Variants in GRK1 observed in about 807,000 individuals in gnomAD.
GRK1 encodes rhodopsin kinase GRK1.
Under a neutral mutation model 41.7 loss-of-function variants are expected in GRK1, and 28 were observed. The observed-to-expected ratio is 0.67, with a 90% CI of 0.50 to 0.92. GRK1 has a LOEUF of 0.92. Ranked by LOEUF, GRK1 falls within the 40% of genes least tolerant of loss-of-function variation. The pLI is 0.00. For missense variants in GRK1, 703 were observed against 671.2 expected, an observed-to-expected ratio of 1.05 and a Z score of -0.52; for synonymous variants, 327 against 286.7, an observed-to-expected ratio of 1.14 and a Z score of -1.42.
At chr13:113,672,158 G>A (rs2049861591) in intron 3 of GRK1, among the ~76,000 whole-genome samples, 2 of 151,810 alleles carry the variant, frequency 1.3e-5, no homozygotes, top group East Asian at 1.9e-4. Flanking sequence ...AGTGTGCGTG[G>A]TGTGTGCTGT....
chr13:113,650,217 G>A, the GRK1 span, among the ~76,000 whole-genome samples: 187 of 152,050 alleles, frequency 1.2e-3, no homozygotes, highest in African/African-American at 4.2e-3. This position sits in a 1 kb window ranked among gnomAD's most constrained non-coding sequence, Gnocchi z 5.0. Context: ...TTCATGTTGC[G>A]TGAGAGGAAT....
At chr13:113,661,949 G>A in the GRK1 span, among the ~76,000 whole-genome samples, 1 of 152,096 alleles carries the variant, frequency 6.6e-6, no homozygotes, top group African/African-American at 2.4e-5. Flanking sequence ...TAGAAGAAGA[G>A]GAAATATTTT....
Position 113,667,227 on chromosome 13 carries a change from C to T in GRK1, c.-160C>T, listed in dbSNP as rs926464431. ...GCTCCCAGGGGCTTCCCAGTGGTCC[C>T]CAGGAACCCTCGACAGGGCCAGGGC... On this transcript the variant is annotated 5_prime_UTR_variant, in exon 1 of 7. Transcript: ENST00000335678. The surrounding 1 kb of genome is among the most constrained non-coding windows in gnomAD (Gnocchi z 7.5). 7 of 719,804 alleles carry T rather than the reference C, an allele frequency of 9.7e-6. No homozygotes were observed. The highest frequency in any genetic ancestry group is 5.3e-5 in the African/African-American group (3 of 56,176). 44.6% of individuals were successfully genotyped at this position (719,804 alleles called of 1,614,324 possible).
the GRK1 span, among the ~76,000 whole-genome samples, chr13:113,648,613 T>C: frequency 6.6e-6 from 1 of 152,222 alleles, no homozygotes. Flanking sequence ...CATTTATATT[T>C]GGAGGAGAGA....
At chr13:113,652,077 C>T in the GRK1 span, among the ~76,000 whole-genome samples, 1 of 152,224 alleles carries the variant, frequency 6.6e-6, no homozygotes. Context: ...CGGCCTGCCT[C>T]CTGCTCTGCA....
chr13:113,652,654 C>T, the GRK1 span: 86 of 653,114 alleles, frequency 1.3e-4, no homozygotes, highest in African/African-American at 1.2e-3. Flanking sequence ...TTTAGAGGGC[C>T]GGCTATGTGC....
At chr13:113,730,356 C>T (rs1397084917) in intron 4 of GRK1, among the ~76,000 whole-genome samples, 24 of 151,320 alleles carry the variant, frequency 1.6e-4, no homozygotes, top group East Asian at 3.9e-4. Flanking sequence ...CAGACCCGCC[C>T]CTCCATCCCG....
chr13:113,735,809 C>G lies in GRK1; in HGVS notation c.*446C>G, dbSNP rs147632428. 1,696 of 154,262 alleles carry G rather than the reference C, an allele frequency of 0.011. 35 individuals carry two copies. The highest frequency in any genetic ancestry group is 0.037 in the African/African-American group (1,544 of 41,642). The allele number at this position is 154,262 out of a possible 1,614,324, so 9.6% of individuals were successfully genotyped here. On this transcript the variant is annotated 3_prime_UTR_variant, in exon 7 of 7. Transcript: ENST00000335678. ...GGTGGCCAGGTCAGGGGTCAGTGAA[C>G]CCTGGCCGCAGCCCCTGGCCCCACT...
At chr13:113,649,532 G>A in the GRK1 span, 1 of 1,520,458 alleles carries the variant, frequency 6.6e-7, no homozygotes, top group Non-Finnish European at 8.9e-7. The surrounding 1 kb of genome is among the most constrained non-coding windows in gnomAD (Gnocchi z 4.7). Context: ...TTGCTGTAGT[G>A]GGGCTGAAGT....
chr13:113,724,515 A>G (rs1201647412), intron 4 of GRK1, among the ~76,000 whole-genome samples: 1 of 151,498 alleles, frequency 6.6e-6, no homozygotes, highest in Non-Finnish European at 1.5e-5. Flanking sequence ...CACGGGGGGG[A>G]CATCCTCGCT....
chr13:113,671,531 C>T lies in GRK1; in HGVS notation c.860C>T (p.Pro287Leu), dbSNP rs2049856775. Residue 287 changes from proline (P) to leucine (L), a missense_variant, in exon 3 of 7, where the codon CCT becomes CTT. By Grantham distance (98) the Pro-to-Leu change is moderately conservative. Transcript: ENST00000335678. The surrounding 1 kb of genome is among the most constrained non-coding windows in gnomAD (Gnocchi z 4.1). ...ATCTACAACGTGAATGAGGAGAACC[C>T]TGGCTTCCCGGAGCCGCGCGCCCTC... ...YHIYNVNEEN[P>L]GFPEPRALFY... The T allele has an allele frequency of 1.3e-6, 1 of 779,398 alleles. No homozygotes were observed. Among genetic ancestry groups the T allele is most frequent in the Non-Finnish European group, 2.4e-6 (1 of 417,958 alleles). The allele number at this position is 779,398 out of a possible 1,614,324, so 48.3% of individuals were successfully genotyped here. A position where few individuals can be genotyped will look rare whatever the true frequency, so the allele number is the denominator to read the frequency against.
rs898100502 is a variant in GRK1 at position 113,735,355 on chromosome 13, G to A, written c.1684G>A (p.Val562Ile). ...CTCGTCCAAGTCAGGGATGTGTCTGGTTTCCTAGGTGACGCCCCAGAGTCC... is the reference window on the plus strand; with the variant it reads ...CTCGTCCAAGTCAGGGATGTGTCTGATTTCCTAGGTGACGCCCCAGAGTCC... ...SSSSKSGMCLVS is the reference protein window; with the variant it reads ...SSSSKSGMCLIS Residue 562 changes from valine to isoleucine, a missense_variant, in exon 7 of 7, where the codon GTT becomes ATT. Coordinates refer to ENST00000335678, the MANE Select transcript of GRK1 (RefSeq NM_002929.3). 2 of 1,498,566 alleles carry A rather than the reference G, an allele frequency of 1.3e-6. No homozygotes were observed. Among genetic ancestry groups the A allele is most frequent in the Non-Finnish European group, 1.8e-6 (2 of 1,124,882 alleles). 92.8% of individuals were successfully genotyped at this position (1,498,566 alleles called of 1,614,324 possible). A position where few individuals can be genotyped will look rare whatever the true frequency, so the allele number is the denominator to read the frequency against.
At chr13:113,655,610 C>T in the GRK1 span, among the ~76,000 whole-genome samples, 5 of 152,204 alleles carry the variant, frequency 3.3e-5, no homozygotes, top group Non-Finnish European at 2.9e-5. Flanking sequence ...TGGACACAGG[C>T]GACTGCCTGT....
intron 4 of GRK1, among the ~76,000 whole-genome samples, chr13:113,725,308 G>A (rs1407174596): frequency 1.6e-4 from 24 of 150,302 alleles, no homozygotes; most frequent in African/African-American, 5.9e-4. Flanking sequence ...CCTAGTTTGA[G>A]GTCAGGGGCG....
At chr13:113,664,622 GC>G (rs2049806714), upstream of GRK1, among the ~76,000 whole-genome samples, 1 of 152,130 alleles carries the variant, frequency 6.6e-6, no homozygotes, top group Non-Finnish European at 1.5e-5. The surrounding 1 kb of genome is among the most constrained non-coding windows in gnomAD (Gnocchi z 5.4). Context: ...AGGTGGAACG[GC>G]CCCCAGTCCA....
chr13:113,649,002 T>TGGG, the GRK1 span: 511 of 161,758 alleles, frequency 3.2e-3, 5 homozygotes, highest in South Asian at 0.013. The surrounding 1 kb of genome is among the most constrained non-coding windows in gnomAD (Gnocchi z 4.7). Context: ...TATATTAATG[T>TGGG]GGGGGGGGCA....
chr13:113,661,804 C>G, the GRK1 span, among the ~76,000 whole-genome samples: 3 of 152,162 alleles, frequency 2.0e-5, no homozygotes, highest in Non-Finnish European at 4.4e-5. Context: ...TGTAAATAGC[C>G]TATAACTATT....
intron 4 of GRK1, among the ~76,000 whole-genome samples, chr13:113,729,969 C>G (rs554796355): frequency 5.3e-4 from 80 of 151,042 alleles, no homozygotes; most frequent in African/African-American, 1.9e-3. Flanking sequence ...ACCCGCCCCT[C>G]CATCTGGAGA....
chr13:113,648,403 C>T, the GRK1 span, among the ~76,000 whole-genome samples: 12 of 152,226 alleles, frequency 7.9e-5, no homozygotes, highest in Non-Finnish European at 1.3e-4. Flanking sequence ...AACAGCCACA[C>T]TGCTGAGCAT....
Sources: allele counts gnomAD v4.1 joint callset (sites outside exome capture counted in the v4.1 genomes callset), GRCh38; gene constraint gnomAD v4.1.1; non-coding constraint Gnocchi (gnomAD v3.1); transcripts MANE v1.5; gene names NCBI Gene and HGNC (gene_info 2026-07-23, HGNC 2026-07-21).